The following TBC1D5 variants were observed in gnomAD, a reference collection of about 807,000 sequenced individuals.
TBC1D5 encodes TBC1 domain family member 5, also known as TBC1 domain family, member 5.
A neutral mutation model predicts 100.3 loss-of-function variants in TBC1D5; 75 were observed. That is an observed-to-expected ratio of 0.75 (90% CI 0.62 to 0.91). The LOEUF (loss-of-function observed/expected upper bound fraction) is 0.91, where lower values mean the gene tolerates loss of function less well. Among genes scored for constraint, TBC1D5 ranks in the 40% least tolerant of loss-of-function variants. The pLI is 0.00. For missense variants in TBC1D5, 910 were observed against 942.4 expected, an observed-to-expected ratio of 0.97 and a Z score of 0.45; for synonymous variants, 323 against 325.6, an observed-to-expected ratio of 0.99 and a Z score of 0.09.
intron 3 of TBC1D5, among the ~76,000 whole-genome samples, chr3:17,474,468 T>C (rs940906332): frequency 6.6e-6 from 1 of 152,072 alleles, no homozygotes; most frequent in East Asian, 1.9e-4. Context: ...GTACTAGGTA[T>C]GAACATTAGC....
At position 17,706,870 on chromosome 3, in the gene TBC1D5, A is replaced by T. The variant is rs528878642; in HGVS notation, c.-101+32473T>A. ...ATTTTAAGAAAGACCTTTTTTTTTT[A>T]AAAAAAGTCATTAATTTTCAGTCAT... is the stretch of plus-strand genomic sequence containing the variant. On this transcript the variant is annotated intron_variant, in intron 1 of 21. Transcript: ENST00000253692. Among the ~76,000 whole-genome samples the T allele has an allele frequency of 3.6e-3, 538 of 151,426 alleles. 4 individuals carry two copies. Among genetic ancestry groups the T allele is most frequent in the African/African-American group, 0.012 (503 of 41,402 alleles).
At chr3:17,602,560 G>A (rs988346623) in intron 2 of TBC1D5, among the ~76,000 whole-genome samples, 2 of 114,098 alleles carry the variant, frequency 1.8e-5, no homozygotes, top group East Asian at 2.8e-4. Flanking sequence ...GAGAGAATCA[G>A]ATTTTTTTTT....
chr3:17,552,683 A>C (rs2096484109), intron 2 of TBC1D5, among the ~76,000 whole-genome samples: 1 of 152,136 alleles, frequency 6.6e-6, no homozygotes, highest in African/African-American at 2.4e-5. Flanking sequence ...GCTATGATAA[A>C]AATTTCAAAA....
At chr3:17,495,026 C>T (rs969896610) in intron 3 of TBC1D5, among the ~76,000 whole-genome samples, 5 of 152,220 alleles carry the variant, frequency 3.3e-5, no homozygotes, top group Non-Finnish European at 7.3e-5. Context: ...CTCCCCTTGC[C>T]CCGTGCGGCT....
chr3:17,362,602 G>C (rs745641219), intron 13 of TBC1D5, among the ~76,000 whole-genome samples: 13 of 151,948 alleles, frequency 8.6e-5, no homozygotes, highest in Non-Finnish European at 1.9e-4. Flanking sequence ...CTCCCAAGTA[G>C]TTGAGATTAC....
At chr3:17,612,348 G>C (rs147220094) in intron 2 of TBC1D5, among the ~76,000 whole-genome samples, 1 of 150,982 alleles carries the variant, frequency 6.6e-6, no homozygotes, top group Non-Finnish European at 1.5e-5. Context: ...ATGAGTAGAG[G>C]CTAGGCGCGG....
intron 19 of TBC1D5, among the ~76,000 whole-genome samples, chr3:17,180,008 A>G (rs1389513011): frequency 1.3e-5 from 2 of 152,234 alleles, no homozygotes; most frequent in African/African-American, 4.8e-5. Flanking sequence ...TTATGTGTGA[A>G]GTACGGCATA....
intron 3 of TBC1D5, among the ~76,000 whole-genome samples, chr3:17,441,237 G>C (rs1215538541): frequency 6.6e-6 from 1 of 152,118 alleles, no homozygotes; most frequent in East Asian, 1.9e-4. Flanking sequence ...TCCAGTCCTA[G>C]GAACTAGAAG....
chr3:17,696,680 G>T (rs989286410), intron 1 of TBC1D5, among the ~76,000 whole-genome samples: 2 of 152,184 alleles, frequency 1.3e-5, no homozygotes, highest in Admixed American at 1.3e-4. Context: ...GAGGTACAAA[G>T]AGGAGCTGGT....
At chr3:17,508,719 C>T (rs533735750) in intron 2 of TBC1D5, 114 bp from the exon 3 acceptor site, 1 of 479,426 alleles carries the variant, frequency 2.1e-6, no homozygotes, top group Admixed American at 3.1e-5. Flanking sequence ...CAAGTTTTTC[C>T]CAGGCTCCAG....
chr3:17,300,107 C>T (rs796985542), intron 14 of TBC1D5, among the ~76,000 whole-genome samples: 7 of 152,108 alleles, frequency 4.6e-5, no homozygotes, highest in African/African-American at 1.7e-4. Context: ...GTTAGTGAAA[C>T]ATGAGGAGAC....
At chr3:17,222,850 A>ACATTACAGT (rs2074434462) in intron 17 of TBC1D5, among the ~76,000 whole-genome samples, 1 of 151,908 alleles carries the variant, frequency 6.6e-6, no homozygotes, top group Admixed American at 6.6e-5. Flanking sequence ...TCAACATTTG[A>ACATTACAGT]CATTACAGTT....
chr3:17,522,447 T>A (rs2096073493), intron 2 of TBC1D5, among the ~76,000 whole-genome samples: 1 of 152,124 alleles, frequency 6.6e-6, no homozygotes, highest in African/African-American at 2.4e-5. Flanking sequence ...GGAGAGGAGC[T>A]AATTATAAAA....
At chr3:17,734,453 A>G (rs904287580) in intron 1 of TBC1D5, among the ~76,000 whole-genome samples, 2 of 152,230 alleles carry the variant, frequency 1.3e-5, no homozygotes, top group African/African-American at 4.8e-5. Context: ...TTCATACTGT[A>G]CAACTAAACA....
intron 17 of TBC1D5, among the ~76,000 whole-genome samples, chr3:17,217,495 T>C (rs1435733128): frequency 6.6e-6 from 1 of 152,138 alleles, no homozygotes; most frequent in Admixed American, 6.6e-5. Context: ...CCATCAGTAT[T>C]GTATAACGGT....
intron 2 of TBC1D5, among the ~76,000 whole-genome samples, chr3:17,578,795 G>C (rs1348882534): frequency 6.6e-6 from 1 of 151,946 alleles, no homozygotes; most frequent in Non-Finnish European, 1.5e-5. Context: ...TGCTAGAGCT[G>C]AATGGCAATT....
chr3:17,337,262 C>T (rs985807776), intron 13 of TBC1D5: 4 of 151,412 alleles, frequency 2.6e-5, no homozygotes, highest in Non-Finnish European at 5.9e-5. Context: ...CCAGGGACCA[C>T]ATCTTAAGAA....
intron 1 of TBC1D5, among the ~76,000 whole-genome samples, chr3:17,674,120 C>T (rs1484728212): frequency 6.6e-6 from 1 of 151,964 alleles, no homozygotes; most frequent in African/African-American, 2.4e-5. Flanking sequence ...AAAAAAAATC[C>T]TAGTAAGACT....
intron 2 of TBC1D5, among the ~76,000 whole-genome samples, chr3:17,617,316 T>G (rs2062256827): frequency 6.6e-6 from 1 of 152,194 alleles, no homozygotes; most frequent in South Asian, 2.1e-4. Flanking sequence ...GCCCTTAACA[T>G]TTTTTCCTTC....
Sources: gnomAD v4.1 joint callset for allele counts (sites outside exome capture counted in the v4.1 genomes callset) on GRCh38, gnomAD v4.1.1 for gene constraint, MANE v1.5 for transcripts, NCBI Gene and HGNC (gene_info 2026-07-23, HGNC 2026-07-21) for gene names.